Variants in DENND2B observed in about 807,000 individuals in gnomAD.
The protein encoded by DENND2B is DENN domain-containing protein 2B.
Under a neutral mutation model 116.0 loss-of-function variants are expected in DENND2B, and 32 were observed. That is an observed-to-expected ratio of 0.28 (90% CI 0.21 to 0.37). The LOEUF is 0.37. Ranked by LOEUF, DENND2B falls within the 10% of genes least tolerant of loss-of-function variation. The pLI is 1.00. For synonymous variants in DENND2B, 588 were observed against 583.9 expected (o/e 1.01, Z -0.10); for missense variants, 1,276 against 1,477.7 (o/e 0.86, Z 2.24).
At chr11:8,695,895 G>A in intron 18 of DENND2B, 1 of 351,348 alleles carries the variant, frequency 2.8e-6, no homozygotes, top group South Asian at 3.5e-5. Flanking sequence ...TATACTAAAT[G>A]GATAGTATTA....
intron 4 of DENND2B, among the ~76,000 whole-genome samples, chr11:8,828,775 C>T (rs1055679818): frequency 6.6e-6 from 1 of 152,126 alleles, no homozygotes; most frequent in African/African-American, 2.4e-5. Flanking sequence ...TGCTTTGCTG[C>T]GGTCATGTCT....
chr11:8,834,840 G>A (rs991347498), intron 4 of DENND2B, among the ~76,000 whole-genome samples: 1 of 152,200 alleles, frequency 6.6e-6, no homozygotes, highest in African/African-American at 2.4e-5. Context: ...CAGATGCGCA[G>A]ACAAGCTCAT....
At chr11:8,694,224 A>C in intron 19 of DENND2B, 94 bp from the exon 20 acceptor site, 1 of 1,442,540 alleles carries the variant, frequency 6.9e-7, no homozygotes, top group Non-Finnish European at 9.7e-7. Context: ...TGTCAGTGGG[A>C]GAGGAAGGAT....
intron 7 of DENND2B, 65 bp downstream of exon 7, chr11:8,714,545 G>A: frequency 1.5e-6 from 2 of 1,355,780 alleles, no homozygotes; most frequent in Non-Finnish European, 2.1e-6. Context: ...GTAAATTGAT[G>A]CCTCTCCCGT....
chr11:8,867,082 A>G (rs2063606954), intron 2 of DENND2B, among the ~76,000 whole-genome samples: 1 of 152,174 alleles, frequency 6.6e-6, no homozygotes, highest in Admixed American at 6.5e-5. Context: ...CTCCTTAGTG[A>G]GCCCTCCTGC....
intron 1 of DENND2B, among the ~76,000 whole-genome samples, chr11:8,772,750 T>C (rs992671919): frequency 2.0e-5 from 3 of 151,998 alleles, no homozygotes; most frequent in Non-Finnish European, 4.4e-5. Flanking sequence ...TCCAGCAACC[T>C]TACACACTGA....
chr11:8,826,355 T>C (rs1000300724), intron 4 of DENND2B, among the ~76,000 whole-genome samples: 24 of 152,234 alleles, frequency 1.6e-4, no homozygotes, highest in African/African-American at 5.5e-4. Context: ...GTGATATTTT[T>C]AACTATCAGA....
rs779361044 is a variant in DENND2B, at chr11:8,726,087, T to C, written c.1463A>G (p.Tyr488Cys). The C allele has an allele frequency of 2.4e-5, 38 of 1,614,036 alleles. No homozygotes were observed. Among genetic ancestry groups the C allele is most frequent in the Non-Finnish European group, 3.2e-5 (38 of 1,180,022 alleles). Reference sequence around the variant, plus strand: ...CCATTGCTTACCCACAATATCTTCATAGGCATTTTCTTCTAAAGTGCTTTT... The same window carrying C: ...CCATTGCTTACCCACAATATCTTCACAGGCATTTTCTTCTAAAGTGCTTTT... ...GSKSTLEENA[Y>C]EDIVGDLPKE... Residue 488 changes from tyrosine to cysteine, a missense_variant, in exon 4 of 20, where the codon TAT becomes TGT. Tyr to Cys is a radical substitution (Grantham distance 194, BLOSUM62 -2). Around this residue, in one of 2 missense-constraint regions of DENND2B, gnomAD observed 856 missense variants for 846.6 expected, o/e 1.01. Coordinates refer to ENST00000313726, the MANE Select transcript of DENND2B (RefSeq NM_213618.2).
intron 1 of DENND2B, among the ~76,000 whole-genome samples, chr11:8,755,247 T>A (rs115272295): frequency 0.036 from 5,513 of 152,252 alleles, 162 homozygotes; most frequent in African/African-American, 0.078. Context: ...ATGAAGTATA[T>A]CTGGATGTGA....
intron 4 of DENND2B, chr11:8,718,973 T>C: frequency 5.1e-6 from 5 of 987,390 alleles, no homozygotes; most frequent in Non-Finnish European, 6.0e-6. Context: ...CAGCCCTCTC[T>C]GCACCCCTTT....
At chr11:8,860,112 G>A (rs554712122) in intron 2 of DENND2B, among the ~76,000 whole-genome samples, 22 of 152,154 alleles carry the variant, frequency 1.4e-4, no homozygotes, top group African/African-American at 4.6e-4. Flanking sequence ...GGTTCTTCCC[G>A]CCAAGGTACA....
Position 8,750,704 on chromosome 11 carries a change from G to A in DENND2B, c.-4C>T, listed in dbSNP as rs753980436. The A allele has an allele frequency of 8.7e-6, 14 of 1,613,950 alleles. No individual in the cohort carries two copies. Among genetic ancestry groups the A allele is most frequent in the East Asian group, 2.2e-5 (1 of 44,876 alleles). On this transcript the variant is annotated 5_prime_UTR_variant, in exon 2 of 20. An upstream open reading frame in the 5' UTR gains an earlier in-frame stop. Transcript: ENST00000313726. Reference sequence around the variant, plus strand: ...TCTTGTTGGCAGTCATGGTCATTTCGGCTCTCTGCAAACCCAGAGCCCTGC... The same window carrying A: ...TCTTGTTGGCAGTCATGGTCATTTCAGCTCTCTGCAAACCCAGAGCCCTGC...
chr11:8,894,174 C>T (rs1330418930), intron 1 of DENND2B, among the ~76,000 whole-genome samples: 1 of 152,114 alleles, frequency 6.6e-6, no homozygotes, highest in East Asian at 1.9e-4. Context: ...ATAAATGGTG[C>T]TGGGAAAACT....
At chr11:8,794,405 C>T (rs1017876618) in intron 1 of DENND2B, among the ~76,000 whole-genome samples, 7 of 152,212 alleles carry the variant, frequency 4.6e-5, no homozygotes, top group African/African-American at 9.7e-5. Context: ...GTCCTTCCAC[C>T]CCGGGGACAG....
At chr11:8,895,012 A>G (rs1214186621) in intron 1 of DENND2B, among the ~76,000 whole-genome samples, 3 of 152,310 alleles carry the variant, frequency 2.0e-5, no homozygotes, top group Admixed American at 1.3e-4. Context: ...ATGTCCATCA[A>G]TGATAGACTG....
rs756120576 is a variant in DENND2B at position 8,697,539 on chromosome 11, C to G, written c.3038G>C (p.Ser1013Thr). Residue 1013 changes from serine (S) to threonine (T), a missense_variant, in exon 17 of 20, where the codon AGC becomes ACC. Physicochemically the swap from Ser to Thr is moderately conservative, Grantham distance 58. Transcript: ENST00000313726. ...KNELISQDSD[S>T]DSDDECNTLN... ...ACTATTCTCACCATCGTCGGAGTCGCTGTCAGAGTCCTGGGAGATCAGCTC... is the reference window on the plus strand; with the variant it reads ...ACTATTCTCACCATCGTCGGAGTCGGTGTCAGAGTCCTGGGAGATCAGCTC... 1 of 1,614,092 alleles carries G rather than the reference C, an allele frequency of 6.2e-7. No individual in the cohort carries two copies.
chr11:8,853,809 T>G (rs959928490), intron 3 of DENND2B, among the ~76,000 whole-genome samples: 6 of 151,926 alleles, frequency 3.9e-5, no homozygotes, highest in Admixed American at 3.9e-4. Context: ...AAAGTGAGGT[T>G]TTTATTTTTT....
chr11:8,889,775 T>C lies in DENND2B; in HGVS notation c.-255-8666A>G, dbSNP rs1166547587. On this transcript the variant is annotated intron_variant, in intron 1 of 22. Transcript: ENST00000534127. The stretch of plus-strand genomic sequence containing the variant: ...CAAACTGGGTGGAGTCCACCGCAGC[T>C]CAAGGAGGCCTGCCTGCCTCTGTAG... 2.0e-5 allele frequency among the ~76,000 whole-genome samples: 3 copies of C among 152,132 alleles called. No homozygotes were observed. In the East Asian group the frequency reaches 5.8e-4, roughly 29 times the overall value.
At chr11:8,714,855 C>T (rs955245561) in intron 6 of DENND2B, 149 bp from the exon 7 acceptor site, 6 of 636,846 alleles carry the variant, frequency 9.4e-6, no homozygotes, top group South Asian at 3.8e-5. Flanking sequence ...ACTGCAGAAC[C>T]GACCTCAAGT....
Sources: allele counts gnomAD v4.1 joint callset (sites outside exome capture counted in the v4.1 genomes callset), GRCh38; gene constraint gnomAD v4.1.1; regional missense constraint gnomAD v4.1.1; transcripts MANE v1.5; gene names NCBI Gene and HGNC (gene_info 2026-07-23, HGNC 2026-07-21).